Variants in DYNC1I2 observed in about 807,000 individuals in gnomAD.
The protein encoded by DYNC1I2 is cytoplasmic dynein 1 intermediate chain 2.
In DYNC1I2, 53 loss-of-function variants were observed where a neutral mutation model predicts 88.6. The observed-to-expected ratio is 0.60, with a 90% confidence interval of 0.48 to 0.75. DYNC1I2 has a LOEUF of 0.75. Among genes scored for constraint, DYNC1I2 ranks in the 30% least tolerant of loss-of-function variants. The probability of loss-of-function intolerance (pLI) is 0.00; values close to 1 mark genes in which losing one functional copy is unlikely to be tolerated. For missense variants in DYNC1I2, 458 were observed against 766.6 expected (o/e 0.60, Z 4.75); for synonymous variants, 198 against 254.6 (o/e 0.78, Z 2.12).
intron 5 of DYNC1I2, among the ~76,000 whole-genome samples, chr2:171,710,475 A>G (rs1687035728): frequency 6.6e-6 from 1 of 152,220 alleles, no homozygotes; most frequent in African/African-American, 2.4e-5. Flanking sequence ...AGGGAGTAGG[A>G]ATAGATAAGA....
chr2:171,737,147 C>A (rs1228016915), intron 15 of DYNC1I2, among the ~76,000 whole-genome samples: 1 of 152,180 alleles, frequency 6.6e-6, no homozygotes, highest in Non-Finnish European at 1.5e-5. Context: ...TGCCAGCAAT[C>A]CTTGCTGTTT....
rs754107906 is a variant in DYNC1I2 at position 171,726,164 on chromosome 2, C to CT, written c.771-25dup. The stretch of plus-strand genomic sequence containing the variant: ...AGAGTGATAAAAGTTATAACACCAT[C>CT]TTTTTGGGGGGTTTGGTCTTTTTTT... On this transcript the variant is annotated intron_variant, in intron 9 of 17. Coordinates refer to ENST00000397119, the MANE Select transcript of DYNC1I2 (RefSeq NM_001378.3). 4.4e-6 allele frequency: 7 copies of CT among 1,590,104 alleles called. No homozygotes were observed. The Admixed American group carries it at 1.3e-4, about 29-fold the overall frequency.
chr2:171,690,637 A>AT lies in DYNC1I2; in HGVS notation c.108+383dup, dbSNP rs1041653133. ...TTATTATAAAGTAAGGCGCATCTGTATTTTTTTTTGTTTTGGGTTTTTTTT... is the reference window on the plus strand; with the variant it reads ...TTATTATAAAGTAAGGCGCATCTGTATTTTTTTTTTGTTTTGGGTTTTTTTT... On this transcript the variant is annotated intron_variant, in intron 2 of 17. Transcript: ENST00000397119. 1.2e-3 allele frequency among the ~76,000 whole-genome samples: 169 copies of AT among 141,848 alleles called. 1 individual carries two copies. The highest frequency in any genetic ancestry group is 4.1e-3 in the African/African-American group (158 of 38,480). The allele number at this position is 141,848 out of a possible 152,430, so 93.1% of individuals were successfully genotyped here. A position where few individuals can be genotyped will look rare whatever the true frequency, so the allele number is the denominator to read the frequency against.
chr2:171,720,053 T>G (rs1334735376), intron 7 of DYNC1I2, among the ~76,000 whole-genome samples: 1 of 152,106 alleles, frequency 6.6e-6, no homozygotes, highest in Non-Finnish European at 1.5e-5. Flanking sequence ...TTTTGGCTAT[T>G]TTTTGAAAGA....
intron 6 of DYNC1I2, 134 bp downstream of exon 6, chr2:171,712,960 A>G (rs1297408371): frequency 7.0e-6 from 5 of 710,960 alleles, no homozygotes; most frequent in Non-Finnish European, 9.6e-6. Context: ...TTACTGTGAC[A>G]CCTCATTTAT....
intron 15 of DYNC1I2, among the ~76,000 whole-genome samples, chr2:171,738,228 A>C (rs1689149720): frequency 6.6e-6 from 1 of 152,000 alleles, no homozygotes; most frequent in African/African-American, 2.4e-5. Flanking sequence ...GCTACTCGGG[A>C]GGCTGAGGCA....
At chr2:171,739,040 C>T (rs1689208863) in intron 15 of DYNC1I2, among the ~76,000 whole-genome samples, 1 of 147,896 alleles carries the variant, frequency 6.8e-6, no homozygotes, top group Non-Finnish European at 1.5e-5. Flanking sequence ...CCCAGCTCCT[C>T]GGGAGGCAGA....
chr2:171,698,598 G>A (rs1224746818), intron 3 of DYNC1I2, among the ~76,000 whole-genome samples: 1 of 152,046 alleles, frequency 6.6e-6, no homozygotes, highest in Non-Finnish European at 1.5e-5. Flanking sequence ...GGCCAGGCAC[G>A]GTGGCTCACA....
intron 15 of DYNC1I2, among the ~76,000 whole-genome samples, chr2:171,732,237 C>T (rs1688667123): frequency 6.6e-6 from 1 of 152,136 alleles, no homozygotes; most frequent in African/African-American, 2.4e-5. Context: ...GTAGCGGGCA[C>T]CTGTATTCCT....
chr2:171,728,063 T>G (rs2105696797), intron 12 of DYNC1I2, 96 bp downstream of exon 12: 1 of 1,392,328 alleles, frequency 7.2e-7, no homozygotes, highest in East Asian at 2.5e-5. Flanking sequence ...CAGAATGTGC[T>G]TCCTTTGGTG....
intron 15 of DYNC1I2, among the ~76,000 whole-genome samples, chr2:171,740,305 C>T (rs1381790386): frequency 6.6e-6 from 1 of 152,156 alleles, no homozygotes; most frequent in African/African-American, 2.4e-5. Context: ...TTCTATAGTA[C>T]GTGATGCAGA....
chr2:171,725,547 T>G, intron 7 of DYNC1I2, 71 bp from the exon 8 acceptor site: 1 of 1,038,648 alleles, frequency 9.6e-7, no homozygotes, highest in South Asian at 1.8e-5. Flanking sequence ...TTACCAGCTA[T>G]TTTCATTAAA....
intron 11 of DYNC1I2, 64 bp from the exon 12 acceptor site, chr2:171,727,757 T>C: frequency 2.7e-6 from 4 of 1,487,386 alleles, no homozygotes; most frequent in Non-Finnish European, 3.7e-6. Context: ...AATAGATTGA[T>C]TTTTAGAACT....
chr2:171,713,905 A>G, intron 6 of DYNC1I2, among the ~76,000 whole-genome samples: 1 of 152,102 alleles, frequency 6.6e-6, no homozygotes, highest in South Asian at 2.1e-4. Flanking sequence ...GCTTTTGGAT[A>G]AGTGAGGTAT....
chr2:171,692,436 G>A (rs972106235), intron 2 of DYNC1I2, among the ~76,000 whole-genome samples: 2 of 151,796 alleles, frequency 1.3e-5, no homozygotes, highest in African/African-American at 4.9e-5. Context: ...GTGCCACTTG[G>A]GGGAAGTTGT....
chr2:171,715,201 A>T, intron 6 of DYNC1I2, 127 bp from the exon 7 acceptor site: 1 of 560,656 alleles, frequency 1.8e-6, no homozygotes, highest in South Asian at 3.6e-5. Flanking sequence ...TTGTTAATCT[A>T]AAATTTCTTG....
At chr2:171,691,232 A>G (rs1417062024) in intron 2 of DYNC1I2, among the ~76,000 whole-genome samples, 1 of 152,226 alleles carries the variant, frequency 6.6e-6, no homozygotes, top group Admixed American at 6.5e-5. Context: ...TTTTGTATCA[A>G]AAATATGCAT....
chr2:171,729,097 TAGGC>T (rs757577278), intron 14 of DYNC1I2, among the ~76,000 whole-genome samples: 7 of 152,300 alleles, frequency 4.6e-5, no homozygotes, highest in Non-Finnish European at 8.8e-5. Flanking sequence ...AAGTTAGTGA[TAGGC>T]AGGAACATTC....
At chr2:171,720,335 A>G (rs1687818011) in intron 7 of DYNC1I2, among the ~76,000 whole-genome samples, 1 of 152,142 alleles carries the variant, frequency 6.6e-6, no homozygotes, top group African/African-American at 2.4e-5. Context: ...GATTAGCTTT[A>G]TTGTGTGTAG....
Sources: allele counts gnomAD v4.1 joint callset (sites outside exome capture counted in the v4.1 genomes callset), GRCh38; gene constraint gnomAD v4.1.1; transcripts MANE v1.5; gene names NCBI Gene and HGNC (gene_info 2026-07-23, HGNC 2026-07-21).